The following ULK4 variants were observed in gnomAD, a reference collection of about 807,000 sequenced individuals.
ULK4 encodes unc-51 like kinase 4, also known as inactive serine/threonine-protein kinase ULK4.
A neutral mutation model predicts 160.6 loss-of-function variants in ULK4; 133 were observed. That is an observed-to-expected ratio of 0.83 (90% CI 0.72 to 0.96). The LOEUF (loss-of-function observed/expected upper bound fraction) is 0.96. Among genes scored for constraint, ULK4 ranks in the 40% least tolerant of loss-of-function variants. The probability of loss-of-function intolerance (pLI) is 0.00; values close to 1 mark genes in which losing one functional copy is unlikely to be tolerated. For synonymous variants in ULK4, 534 were observed against 539.8 expected (o/e 0.99, Z 0.15); for missense variants, 1,580 against 1,499.5 (o/e 1.05, Z -0.89).
At chr3:41,423,821 T>C (rs2082715143) in intron 34 of ULK4, among the ~76,000 whole-genome samples, 1 of 152,204 alleles carries the variant, frequency 6.6e-6, no homozygotes, top group African/African-American at 2.4e-5. Context: ...TGAGTGATCA[T>C]GCTACCCTGC....
chr3:41,938,039 T>G, intron 3 of ULK4, 59 bp downstream of exon 3: 1 of 1,316,380 alleles, frequency 7.6e-7, no homozygotes, highest in Non-Finnish European at 1.0e-6. Flanking sequence ...TAACAAAACT[T>G]AACAGCATGT....
At chr3:41,447,009 G>C (rs575511253) in intron 34 of ULK4, among the ~76,000 whole-genome samples, 2 of 147,428 alleles carry the variant, frequency 1.4e-5, no homozygotes, top group East Asian at 4.0e-4. Flanking sequence ...GCTTGAACCC[G>C]GGAGGTGGAG....
At chr3:41,729,724 A>T (rs2037763613) in intron 22 of ULK4, among the ~76,000 whole-genome samples, 1 of 152,204 alleles carries the variant, frequency 6.6e-6, no homozygotes, top group Admixed American at 6.5e-5. Context: ...GATGTAGTGC[A>T]TGAGACAGCC....
chr3:41,448,510 T>TA (rs1195498552), intron 34 of ULK4, among the ~76,000 whole-genome samples: 1 of 152,160 alleles, frequency 6.6e-6, no homozygotes, highest in East Asian at 1.9e-4. Context: ...GTTCAGAAGT[T>TA]AGAGTTTATT....
At chr3:41,862,792 C>G (rs34136790) in intron 17 of ULK4, among the ~76,000 whole-genome samples, 1 of 150,388 alleles carries the variant, frequency 6.6e-6, no homozygotes, top group Admixed American at 6.6e-5. Flanking sequence ...TCTCCGCTCC[C>G]CCCCCCCTTT....
At chr3:41,699,536 G>A (rs925878480) in intron 27 of ULK4, among the ~76,000 whole-genome samples, 3 of 152,100 alleles carry the variant, frequency 2.0e-5, no homozygotes, top group African/African-American at 7.2e-5. Flanking sequence ...AAAACAAATC[G>A]TGGCTTTCTC....
At chr3:41,393,374 T>C (rs1454878425) in intron 35 of ULK4, among the ~76,000 whole-genome samples, 3 of 152,164 alleles carry the variant, frequency 2.0e-5, no homozygotes, top group Admixed American at 6.5e-5. Flanking sequence ...TCATGTTTAG[T>C]AAAGCTCTGG....
intron 5 of ULK4, among the ~76,000 whole-genome samples, chr3:41,920,584 C>G (rs1699148573): frequency 6.6e-6 from 1 of 152,144 alleles, no homozygotes; most frequent in Non-Finnish European, 1.5e-5. Context: ...AGAGCACCTG[C>G]CAAGACCCAG....
Position 41,475,176 on chromosome 3 carries a change from C to A in ULK4, c.3227-11923G>T, listed in dbSNP as rs561527405. Reference sequence around the variant, plus strand: ...ATTCAGCCTTAAAAAAGAAAAAATTCTGTCATTTGTGACAACATGGATGGA... The same window carrying A: ...ATTCAGCCTTAAAAAAGAAAAAATTATGTCATTTGTGACAACATGGATGGA... On this transcript the variant is annotated intron_variant, in intron 32 of 36. Coordinates refer to ENST00000301831, the MANE Select transcript of ULK4 (RefSeq NM_017886.4). Among the ~76,000 whole-genome samples, 96 of 152,282 alleles carry A rather than the reference C, an allele frequency of 6.3e-4. No individual in the cohort carries two copies. The South Asian group carries it at 0.019, about 31-fold the overall frequency.
intron 17 of ULK4, among the ~76,000 whole-genome samples, chr3:41,850,106 C>T (rs547457822): frequency 4.3e-4 from 66 of 152,294 alleles, no homozygotes; most frequent in African/African-American, 1.6e-3. Flanking sequence ...ATGATGGTTT[C>T]CAGCTTCATC....
chr3:41,661,583 C>T (rs2125758939), intron 30 of ULK4, among the ~76,000 whole-genome samples: 1 of 152,004 alleles, frequency 6.6e-6, no homozygotes, highest in African/African-American at 2.4e-5. Context: ...TTTAAGTAGC[C>T]AGAAGAAATT....
chr3:41,952,852 A>G (rs904421993), intron 2 of ULK4, among the ~76,000 whole-genome samples: 3 of 152,230 alleles, frequency 2.0e-5, no homozygotes, highest in African/African-American at 7.2e-5. Context: ...CGCTTTATAT[A>G]TGTACAATGA....
chr3:41,275,731 C>T (rs1356406413), intron 35 of ULK4, among the ~76,000 whole-genome samples: 1 of 152,242 alleles, frequency 6.6e-6, no homozygotes, highest in Admixed American at 6.5e-5. Context: ...AACAGCCCAG[C>T]TACTGGTGAA....
chr3:41,958,756 A>G (rs1193280614), intron 1 of ULK4, among the ~76,000 whole-genome samples: 1 of 152,082 alleles, frequency 6.6e-6, no homozygotes, highest in Non-Finnish European at 1.5e-5. Flanking sequence ...CAGATGAAAA[A>G]AAAATCCAAG....
intron 18 of ULK4, among the ~76,000 whole-genome samples, chr3:41,835,067 C>A (rs1298269638): frequency 6.6e-6 from 1 of 152,128 alleles, no homozygotes; most frequent in Non-Finnish European, 1.5e-5. Flanking sequence ...AAAATCATAA[C>A]AATATCAGTT....
At chr3:41,678,484 C>G (rs1033658977) in intron 29 of ULK4, among the ~76,000 whole-genome samples, 1 of 152,144 alleles carries the variant, frequency 6.6e-6, no homozygotes, top group Non-Finnish European at 1.5e-5. Context: ...AGGAGCCTAT[C>G]TGAGAACAAA....
chr3:41,811,974 G>A (rs2040831074), intron 19 of ULK4, among the ~76,000 whole-genome samples: 2 of 152,140 alleles, frequency 1.3e-5, no homozygotes, highest in African/African-American at 4.8e-5. Flanking sequence ...TTATGAACAT[G>A]ATTTCCATAA....
intron 34 of ULK4, among the ~76,000 whole-genome samples, chr3:41,433,362 C>T (rs910859457): frequency 6.6e-6 from 1 of 152,148 alleles, no homozygotes; most frequent in Admixed American, 6.5e-5. Context: ...GAGAAACAGA[C>T]AATCTTTTGA....
At chr3:41,626,761 C>T (rs1230148367) in intron 30 of ULK4, among the ~76,000 whole-genome samples, 2 of 151,934 alleles carry the variant, frequency 1.3e-5, no homozygotes, top group Non-Finnish European at 2.9e-5. Context: ...CTCCTAACCT[C>T]GTGATCCACC....
Sources: gnomAD v4.1 joint callset for allele counts (sites outside exome capture counted in the v4.1 genomes callset) on GRCh38, gnomAD v4.1.1 for gene constraint, MANE v1.5 for transcripts, NCBI Gene and HGNC (gene_info 2026-07-23, HGNC 2026-07-21) for gene names.